DLGAP1: variants seen among roughly 807,000 people sequenced by gnomAD.
DLGAP1 encodes DLG associated protein 1, also known as disks large-associated protein 1.
DLGAP1 carries 11 observed loss-of-function variants against 90.8 expected under a neutral mutation model. The observed-to-expected ratio is 0.12, with a 90% CI of 0.08 to 0.20. DLGAP1 has a LOEUF of 0.20. Among genes scored for constraint, DLGAP1 ranks in the 10% least tolerant of loss-of-function variants. The pLI is 1.00. For missense variants in DLGAP1, 1,050 were observed against 1,333.8 expected (o/e 0.79, Z 3.31); for synonymous variants, 558 against 540.7 (o/e 1.03, Z -0.44).
intron 7 of DLGAP1, among the ~76,000 whole-genome samples, chr18:3,592,895 AAAAAG>A (rs2056355806): frequency 5.0e-5 from 7 of 140,492 alleles, no homozygotes; most frequent in Admixed American, 2.1e-4. Flanking sequence ...AAAGAAAAAG[AAAAAG>A]AAAAAGAAAA....
chr18:4,359,705 T>C (rs1338729847), intron 1 of DLGAP1, among the ~76,000 whole-genome samples: 1 of 152,260 alleles, frequency 6.6e-6, no homozygotes, highest in Non-Finnish European at 1.5e-5. Flanking sequence ...TTAGGATAGA[T>C]ACGATGGTGC....
At chr18:4,165,232 A>G (rs1394270340) in intron 1 of DLGAP1, among the ~76,000 whole-genome samples, 2 of 152,218 alleles carry the variant, frequency 1.3e-5, no homozygotes, top group African/African-American at 4.8e-5. Flanking sequence ...GGAGTCAGAG[A>G]AAAATAATGC....
chr18:3,642,157 G>T (rs2058965561), intron 7 of DLGAP1, among the ~76,000 whole-genome samples: 1 of 152,144 alleles, frequency 6.6e-6, no homozygotes, highest in Non-Finnish European at 1.5e-5. Context: ...ATTAGATTGT[G>T]CCTGGAAGCA....
intron 7 of DLGAP1, among the ~76,000 whole-genome samples, chr18:3,617,961 C>T (rs1443865079): frequency 2.0e-5 from 3 of 152,092 alleles, no homozygotes; most frequent in Non-Finnish European, 4.4e-5. Flanking sequence ...TGTTTGAACC[C>T]GGGAGGCGGA....
At chr18:3,940,829 C>G (rs966332516) in intron 3 of DLGAP1, among the ~76,000 whole-genome samples, 1 of 152,166 alleles carries the variant, frequency 6.6e-6, no homozygotes, top group Admixed American at 6.5e-5. Context: ...CTCTTTACAA[C>G]CTTTTAAGAG....
intron 1 of DLGAP1, among the ~76,000 whole-genome samples, chr18:4,257,785 T>G (rs915821637): frequency 1.3e-5 from 2 of 152,010 alleles, no homozygotes; most frequent in Non-Finnish European, 2.9e-5. Context: ...CCACTATGCC[T>G]GGCTAATTTC....
chr18:4,149,122 T>C (rs1598486494), intron 2 of DLGAP1, among the ~76,000 whole-genome samples: 1 of 152,208 alleles, frequency 6.6e-6, no homozygotes, highest in African/African-American at 2.4e-5. Context: ...TGAAACAATA[T>C]AAAGCGAGTA....
intron 2 of DLGAP1, among the ~76,000 whole-genome samples, chr18:4,140,170 T>A (rs1273639716): frequency 6.6e-6 from 1 of 152,002 alleles, no homozygotes; most frequent in Non-Finnish European, 1.5e-5. Flanking sequence ...TGTTTTGTGA[T>A]CATTTCTTGC....
intron 1 of DLGAP1, among the ~76,000 whole-genome samples, chr18:4,377,427 A>G (rs918416384): frequency 1.3e-5 from 2 of 152,192 alleles, no homozygotes; most frequent in East Asian, 1.9e-4. Context: ...TAAAAACTCT[A>G]AAATGAACTT....
chr18:4,348,684 AG>A (rs1166907541), intron 1 of DLGAP1, among the ~76,000 whole-genome samples: 1 of 152,128 alleles, frequency 6.6e-6, no homozygotes, highest in Non-Finnish European at 1.5e-5. Flanking sequence ...TGAGCCCGCA[AG>A]ATCTTGTAGT....
At chr18:4,105,987 G>A (rs945268410) in intron 2 of DLGAP1, among the ~76,000 whole-genome samples, 3 of 138,416 alleles carry the variant, frequency 2.2e-5, no homozygotes, top group South Asian at 2.4e-4. Context: ...AACCGAGATC[G>A]CGCCACTGCA....
rs201988411 is a variant in DLGAP1, at chr18:3,514,940, G to A, written c.2480-6279C>T. On this transcript the variant is annotated intron_variant, in intron 10 of 12. Coordinates refer to ENST00000315677, the MANE Select transcript of DLGAP1 (RefSeq NM_004746.4). ...GTATTTTTTGTAGAGACAGGATCTC[G>A]CTATGTTGCCCAGGCTGGTCTCAAG... Among the ~76,000 whole-genome samples, 24 of 152,032 alleles carry A rather than the reference G, an allele frequency of 1.6e-4. 1 individual carries two copies. In the East Asian group the frequency reaches 3.1e-3, roughly 20 times the overall value.
chr18:3,772,423 C>A (rs868116183), intron 5 of DLGAP1, among the ~76,000 whole-genome samples: 1 of 72,630 alleles, frequency 1.4e-5, no homozygotes. Context: ...TCTTTCTTTC[C>A]TTCCTTCCTC....
Position 3,691,396 on chromosome 18 carries a change from C to T in DLGAP1, c.1591+37739G>A, listed in dbSNP as rs147107979. ...TGAGCTACATCGCGCCACTGCATTC[C>T]AGCCTGGGCGATAGAGCAAGACTCT... On this transcript the variant is annotated intron_variant, in intron 7 of 12. Coordinates refer to ENST00000315677, the MANE Select transcript of DLGAP1 (RefSeq NM_004746.4). Among the ~76,000 whole-genome samples the T allele has an allele frequency of 4.1e-3, 609 of 149,920 alleles. 3 individuals are homozygous for T. Among genetic ancestry groups the T allele is most frequent in the African/African-American group, 0.014 (563 of 40,646 alleles).
In DLGAP1 at chr18:3,551,158, C is replaced by CATATATATATATAT. The variant is rs1275015577; in HGVS notation, c.2057+16318_2057+16331dup. ...AGCCCAAACTGACTAATATTATATA[C>CATATATATATATAT]ATATATATATATATATATACACATA... On this transcript the variant is annotated intron_variant, in intron 9 of 12. Coordinates refer to ENST00000315677, the MANE Select transcript of DLGAP1 (RefSeq NM_004746.4). Among the ~76,000 whole-genome samples, 29 of 7,832 alleles carry CATATATATATATAT rather than the reference C, an allele frequency of 3.7e-3. 1 individual carries two copies. The highest frequency in any genetic ancestry group is 0.01 in the Admixed American group (3 of 300). 5.1% of individuals were successfully genotyped at this position (7,832 alleles called of 152,430 possible).
chr18:3,726,251 G>A (rs1443995940), intron 7 of DLGAP1, among the ~76,000 whole-genome samples: 2 of 152,150 alleles, frequency 1.3e-5, no homozygotes, highest in African/African-American at 4.8e-5. Flanking sequence ...TAAAATTAGA[G>A]CAAAGTCATT....
intron 9 of DLGAP1, among the ~76,000 whole-genome samples, chr18:3,547,037 C>T (rs144063040): frequency 0.011 from 1,614 of 151,768 alleles, 30 homozygotes; most frequent in African/African-American, 0.037. Context: ...CGCGGTGGCT[C>T]ACGCCTGTAA....
chr18:4,254,574 A>G lies in DLGAP1; in HGVS notation c.-266-103287T>C, dbSNP rs184439179. Among the ~76,000 whole-genome samples, 27 of 152,320 alleles carry G rather than the reference A, an allele frequency of 1.8e-4. No homozygotes were observed. In the East Asian group the frequency reaches 4.4e-3, roughly 25 times the overall value. ...TGTCCTGCATTTGGGAGCACTACCC[A>G]AAATCTAAAATAATGCTCAGAACCA... is the stretch of plus-strand genomic sequence containing the variant. On this transcript the variant is annotated intron_variant, in intron 1 of 12. Transcript: ENST00000315677.
chr18:4,050,444 A>G (rs1010189928), intron 2 of DLGAP1, among the ~76,000 whole-genome samples: 4 of 152,206 alleles, frequency 2.6e-5, no homozygotes, highest in African/African-American at 9.6e-5. Context: ...TATTATTTTC[A>G]TCCTCACTTC....
Sources: allele counts gnomAD v4.1 joint callset (sites outside exome capture counted in the v4.1 genomes callset), GRCh38; gene constraint gnomAD v4.1.1; transcripts MANE v1.5; gene names NCBI Gene and HGNC (gene_info 2026-07-23, HGNC 2026-07-21).